The following B3GALT1 variants were observed in gnomAD, a reference collection of about 807,000 sequenced individuals.
B3GALT1 encodes the protein UDP-Gal:betaGlcNAc beta 1,3-galactosyltransferase, polypeptide 1.
A neutral mutation model predicts 23.2 loss-of-function variants in B3GALT1; 10 were observed. The observed-to-expected ratio is 0.43, with a 90% CI of 0.27 to 0.73. B3GALT1 has a LOEUF of 0.73. B3GALT1 is among the 30% of genes least tolerant of loss of function. The pLI is 0.21. For synonymous variants in B3GALT1, 156 were observed against 141.5 expected (o/e 1.10, Z -0.73); for missense variants, 299 against 405.4 (o/e 0.74, Z 2.25).
intron 1 of B3GALT1, among the ~76,000 whole-genome samples, chr2:167,343,817 T>C (rs890019039): frequency 1.3e-5 from 2 of 152,190 alleles, no homozygotes; most frequent in Admixed American, 6.5e-5. Flanking sequence ...GTTTTAGTTC[T>C]CTTTTTCAGG....
intron 1 of B3GALT1, among the ~76,000 whole-genome samples, chr2:167,441,529 C>T (rs181654129): frequency 2.4e-4 from 37 of 152,180 alleles, no homozygotes; most frequent in Non-Finnish European, 3.7e-4. Flanking sequence ...ATGGTTTCTC[C>T]ACCAATGTTA....
rs916876280 is a variant in B3GALT1, at chr2:167,719,660, G to A, written c.-352+72694G>A. Among the ~76,000 whole-genome samples the A allele has an allele frequency of 5.3e-5, 8 of 152,162 alleles. 1 individual carries two copies. Among genetic ancestry groups the A allele is most frequent in the Admixed American group, 3.9e-4 (6 of 15,268 alleles). On this transcript the variant is annotated intron_variant, in intron 3 of 4. Coordinates refer to ENST00000392690, the MANE Select transcript of B3GALT1 (RefSeq NM_020981.4). ...GATAAGAAAGTGCAGGGGACTGGGCGTGGTGGCTCACGCCTGTAATCCAGC... is the reference window on the plus strand; with the variant it reads ...GATAAGAAAGTGCAGGGGACTGGGCATGGTGGCTCACGCCTGTAATCCAGC...
intron 1 of B3GALT1, among the ~76,000 whole-genome samples, chr2:167,467,913 C>A (rs1278025459): frequency 2.0e-5 from 3 of 152,008 alleles, no homozygotes. Context: ...AAAGCAAAGA[C>A]CATACGTTGT....
chr2:167,328,278 A>G (rs1696926327), intron 1 of B3GALT1, among the ~76,000 whole-genome samples: 1 of 152,198 alleles, frequency 6.6e-6, no homozygotes, highest in South Asian at 2.1e-4. Context: ...TTTTTTGGGA[A>G]AAGTTTAGAG....
chr2:167,678,974 AG>A (rs1348787738), intron 3 of B3GALT1, among the ~76,000 whole-genome samples: 2 of 152,202 alleles, frequency 1.3e-5, no homozygotes, highest in African/African-American at 4.8e-5. Context: ...ATTTTTCCAA[AG>A]ACTTGGAGTT....
intron 2 of B3GALT1, among the ~76,000 whole-genome samples, chr2:167,607,116 CAAG>C (rs973940677): frequency 3.3e-5 from 5 of 151,982 alleles, no homozygotes; most frequent in African/African-American, 1.2e-4. Flanking sequence ...GCTGAATTAA[CAAG>C]AAGAAAACAG....
intron 1 of B3GALT1, among the ~76,000 whole-genome samples, chr2:167,340,080 C>T (rs1042554652): frequency 2.6e-5 from 4 of 152,104 alleles, no homozygotes; most frequent in Admixed American, 2.0e-4. Flanking sequence ...AAACAGAGTG[C>T]ATTTCTTGCA....
intron 2 of B3GALT1, among the ~76,000 whole-genome samples, chr2:167,515,302 G>A (rs1700082945): frequency 6.6e-6 from 1 of 152,162 alleles, no homozygotes; most frequent in African/African-American, 2.4e-5. Flanking sequence ...TCTACTTCAA[G>A]TGTTATTATT....
chr2:167,334,404 A>G (rs1697022437), intron 1 of B3GALT1, among the ~76,000 whole-genome samples: 1 of 152,180 alleles, frequency 6.6e-6, no homozygotes. Context: ...TATGTTAAAG[A>G]CAGTTGATGA....
At chr2:167,628,100 A>C (rs1005393708) in intron 2 of B3GALT1, among the ~76,000 whole-genome samples, 1 of 151,694 alleles carries the variant, frequency 6.6e-6, no homozygotes, top group Admixed American at 6.6e-5. Context: ...TATTCTGGTG[A>C]AAAGTCCTTT....
intron 1 of B3GALT1, among the ~76,000 whole-genome samples, chr2:167,351,894 G>A (rs1217333922): frequency 6.6e-6 from 1 of 151,788 alleles, no homozygotes; most frequent in Admixed American, 6.6e-5. Context: ...TGAATTAATA[G>A]CAGTGACTAC....
intron 1 of B3GALT1, among the ~76,000 whole-genome samples, chr2:167,453,160 T>C (rs1294710743): frequency 1.3e-5 from 2 of 152,136 alleles, no homozygotes. Flanking sequence ...AGGAGTCAGA[T>C]AATCTGAGGA....
intron 2 of B3GALT1, among the ~76,000 whole-genome samples, chr2:167,511,221 T>G (rs916025590): frequency 2.0e-5 from 3 of 152,228 alleles, no homozygotes; most frequent in African/African-American, 7.2e-5. Flanking sequence ...GAAAATGATA[T>G]GATTTGGCTG....
Position 167,733,950 on chromosome 2 carries a change from C to T in B3GALT1, c.-351-84722C>T, listed in dbSNP as rs146217332. On this transcript the variant is annotated intron_variant, in intron 3 of 4. Transcript: ENST00000392690. ...GAAAGTACCAAGCATGTTGCCATTT[C>T]CTGGTTTAATCTAACTGCGGCTCAG... Among the ~76,000 whole-genome samples the T allele has an allele frequency of 2.6e-5, 4 of 152,118 alleles. No individual in the cohort carries two copies. In the East Asian group the frequency reaches 7.7e-4, roughly 29 times the overall value.
intron 1 of B3GALT1, among the ~76,000 whole-genome samples, chr2:167,362,890 C>G (rs1367035535): frequency 6.6e-6 from 1 of 152,214 alleles, no homozygotes; most frequent in Non-Finnish European, 1.5e-5. Context: ...GAGTCTCGCC[C>G]TGTCACCCAG....
At chr2:167,611,654 A>T (rs1274542582) in intron 2 of B3GALT1, among the ~76,000 whole-genome samples, 2 of 152,044 alleles carry the variant, frequency 1.3e-5, no homozygotes, top group African/African-American at 4.8e-5. Context: ...AAAGGGGTAT[A>T]TCTGTGAGTA....
chr2:167,545,160 G>T (rs1427789438), intron 2 of B3GALT1, among the ~76,000 whole-genome samples: 1 of 146,734 alleles, frequency 6.8e-6, no homozygotes, highest in Non-Finnish European at 1.5e-5. Flanking sequence ...TCAGCCTCCC[G>T]AGTAGCTGGG....
At chr2:167,714,510 A>C in intron 3 of B3GALT1, 1 of 1,610,878 alleles carries the variant, frequency 6.2e-7, no homozygotes, top group Admixed American at 1.7e-5. Context: ...GAGGGACCAT[A>C]TGGCGAACGC....
chr2:167,588,920 T>C (rs923165895), intron 2 of B3GALT1, among the ~76,000 whole-genome samples: 2 of 147,374 alleles, frequency 1.4e-5, no homozygotes, highest in African/African-American at 5.0e-5. Context: ...CCTCCTTCCC[T>C]CTCTCCCTCC....
Sources: allele counts gnomAD v4.1 joint callset (sites outside exome capture counted in the v4.1 genomes callset), GRCh38; gene constraint gnomAD v4.1.1; transcripts MANE v1.5; gene names NCBI Gene and HGNC (gene_info 2026-07-23, HGNC 2026-07-21).